XIRP2: variants seen among roughly 807,000 people sequenced by gnomAD.
The protein encoded by XIRP2 is xin actin-binding repeat-containing protein 2.
XIRP2 carries 236 observed loss-of-function variants against 277.0 expected under a neutral mutation model. That is an observed-to-expected ratio of 0.85 (90% CI 0.77 to 0.95). The LOEUF (loss-of-function observed/expected upper bound fraction) is 0.95, where lower values mean the gene tolerates loss of function less well. XIRP2 is among the 40% of genes least tolerant of loss of function. The pLI, the probability that XIRP2 is intolerant of heterozygous loss-of-function variation, is 0.00. For synonymous variants in XIRP2, 1,490 were observed against 1,416.5 expected, an observed-to-expected ratio of 1.05 and a Z score of -1.17; for missense variants, 4,640 against 4,157.5, an observed-to-expected ratio of 1.12 and a Z score of -3.19.
At chr2:167,074,717 G>A (rs1188347198) in intron 2 of XIRP2, among the ~76,000 whole-genome samples, 2 of 151,864 alleles carry the variant, frequency 1.3e-5, no homozygotes, top group African/African-American at 4.8e-5. Flanking sequence ...CCGGCTCACT[G>A]CAACTTCCAC....
chr2:166,954,469 G>T (rs1186949483), intron 2 of XIRP2, among the ~76,000 whole-genome samples: 1 of 151,858 alleles, frequency 6.6e-6, no homozygotes, highest in African/African-American at 2.4e-5. Context: ...CACTGTTGGT[G>T]GGAATGTAAA....
At chr2:167,031,562 T>C (rs1688349865) in intron 2 of XIRP2, among the ~76,000 whole-genome samples, 1 of 152,080 alleles carries the variant, frequency 6.6e-6, no homozygotes, top group Non-Finnish European at 1.5e-5. Context: ...AACCCCATGG[T>C]CCCAGCACAA....
At chr2:167,120,090 C>T (rs1274077580) in intron 2 of XIRP2, among the ~76,000 whole-genome samples, 1 of 152,134 alleles carries the variant, frequency 6.6e-6, no homozygotes, top group Admixed American at 6.6e-5. Flanking sequence ...ACCTCCGTCA[C>T]GGTGGGGCTG....
At chr2:167,148,415 G>C (rs1001665342) in intron 3 of XIRP2, among the ~76,000 whole-genome samples, 1 of 139,858 alleles carries the variant, frequency 7.2e-6, no homozygotes, top group Non-Finnish European at 1.5e-5. Context: ...AAGAAAGAAA[G>C]AGAGAAAGAA....
At chr2:166,979,371 T>TTTC (rs1167036321) in intron 2 of XIRP2, among the ~76,000 whole-genome samples, 525 of 48,546 alleles carry the variant, frequency 0.011, 1 homozygote, top group African/African-American at 0.08. Flanking sequence ...TTTCTTTTCT[T>TTTC]TTTTTTTTTT....
intron 2 of XIRP2, among the ~76,000 whole-genome samples, chr2:166,966,824 G>T (rs1308869972): frequency 6.6e-6 from 1 of 152,002 alleles, no homozygotes; most frequent in African/African-American, 2.4e-5. Context: ...TCAAACTACA[G>T]CTTGCATAGA....
At chr2:167,029,947 G>A (rs931315555) in intron 2 of XIRP2, among the ~76,000 whole-genome samples, 1 of 152,062 alleles carries the variant, frequency 6.6e-6, no homozygotes, top group Non-Finnish European at 1.5e-5. Context: ...TTGGGAGTGT[G>A]TATGTGTCCA....
In XIRP2 at chr2:167,254,357, AAT is replaced by A. The variant is rs554919701; in HGVS notation, c.*39+193_*39+194del. Reference sequence around the variant, plus strand: ...TTTCCTTTAGGAATTTTACTTTTCTAATCAAATCCAAAAGCATCCCTTTTGTC... The same window carrying A: ...TTTCCTTTAGGAATTTTACTTTTCTACAAATCCAAAAGCATCCCTTTTGTC... On this transcript the variant is annotated intron_variant, in intron 10 of 10. Transcript: ENST00000409195. Among the ~76,000 whole-genome samples, 10 of 152,036 alleles carry A rather than the reference AAT, an allele frequency of 6.6e-5. 1 individual carries two copies. The South Asian group carries it at 1.9e-3, about 28-fold the overall frequency.
intron 5 of XIRP2, among the ~76,000 whole-genome samples, chr2:167,224,481 A>G (rs1195496941): frequency 1.3e-5 from 2 of 151,980 alleles, no homozygotes. Context: ...TCCTGAGCTC[A>G]AGTGATCTAC....
intron 5 of XIRP2, among the ~76,000 whole-genome samples, chr2:167,234,703 G>A (rs982242818): frequency 2.6e-5 from 4 of 151,702 alleles, no homozygotes; most frequent in African/African-American, 7.2e-5. Flanking sequence ...AGTAAAACTG[G>A]AGCCTTTACT....
At position 167,258,034 on chromosome 2, in the gene XIRP2, G is replaced by C. The variant is rs763964873; in HGVS notation, c.*217G>C. On this transcript the variant is annotated 3_prime_UTR_variant, in exon 11 of 11. Coordinates refer to ENST00000409195, the MANE Select transcript of XIRP2 (RefSeq NM_152381.6). ...TTATTCCTAATGAAGAACCAAATAT[G>C]TGTAAAAATATTGCAGAAAACACCC... 1 of 1,613,086 alleles carries C rather than the reference G, an allele frequency of 6.2e-7. No individual in the cohort carries two copies. Among genetic ancestry groups the C allele is most frequent in the Non-Finnish European group, 8.5e-7 (1 of 1,179,494 alleles).
intron 2 of XIRP2, among the ~76,000 whole-genome samples, chr2:166,968,168 G>A (rs1445950517): frequency 6.6e-6 from 1 of 151,906 alleles, no homozygotes; most frequent in Admixed American, 6.6e-5. Flanking sequence ...AGAAGCTAAT[G>A]AGTTCTTCAA....
rs1429858015 is a variant in XIRP2, at chr2:167,074,223, A to C, written c.409-61686A>C. On this transcript the variant is annotated intron_variant, in intron 2 of 10. Transcript: ENST00000409195. ...GACTTAGCAATACTTACAATGTTTCAAGGTTTAAGGATAAATATGTACAGT... is the reference window on the plus strand; with the variant it reads ...GACTTAGCAATACTTACAATGTTTCCAGGTTTAAGGATAAATATGTACAGT... 2.0e-5 allele frequency among the ~76,000 whole-genome samples: 3 copies of C among 152,248 alleles called. No individual in the cohort carries two copies. The East Asian group carries it at 5.8e-4, about 29-fold the overall frequency.
Position 167,210,111 on chromosome 2 carries a change from T to C in XIRP2, c.563-624T>C, listed in dbSNP as rs551567165. Among the ~76,000 whole-genome samples, 12 of 152,208 alleles carry C rather than the reference T, an allele frequency of 7.9e-5. 1 individual carries two copies. The highest frequency in any genetic ancestry group is 2.4e-4 in the African/African-American group (10 of 41,524). On this transcript the variant is annotated intron_variant, in intron 3 of 10. Coordinates refer to ENST00000409195, the MANE Select transcript of XIRP2 (RefSeq NM_152381.6). ...ATGATACTATTACTTCTTTCTTATG[T>C]AATACATGCCCCTAAGAAGAAAAGA...
At chr2:167,212,905 A>T (rs866425437) in intron 4 of XIRP2, among the ~76,000 whole-genome samples, 1 of 15,402 alleles carries the variant, frequency 6.5e-5, no homozygotes, top group African/African-American at 3.1e-4. Context: ...CCACCCCCCC[A>T]CCCCTCTGCA....
At chr2:167,187,442 A>C (rs1202215187) in intron 3 of XIRP2, 3 of 985,256 alleles carry the variant, frequency 3.0e-6, no homozygotes, top group African/African-American at 3.5e-5. Flanking sequence ...TTGGCTGTAC[A>C]TGAAACAAGG....
intron 2 of XIRP2, among the ~76,000 whole-genome samples, chr2:166,980,566 G>A (rs961254075): frequency 1.2e-4 from 18 of 151,938 alleles, no homozygotes; most frequent in South Asian, 4.1e-4. Flanking sequence ...ACAGGCACCC[G>A]CCACCACGTC....
intron 2 of XIRP2, among the ~76,000 whole-genome samples, chr2:167,102,793 C>T (rs1398917385): frequency 6.6e-6 from 1 of 152,174 alleles, no homozygotes; most frequent in Non-Finnish European, 1.5e-5. Context: ...CCCTAACTTC[C>T]TGTCTCCCTA....
In XIRP2 at chr2:167,144,036, A is replaced by G. The variant is rs146137856; in HGVS notation, c.562+7974A>G. On this transcript the variant is annotated intron_variant, in intron 3 of 10. Coordinates refer to ENST00000409195, the MANE Select transcript of XIRP2 (RefSeq NM_152381.6). The stretch of plus-strand genomic sequence containing the variant: ...TTTAATATTAGAAATACTTCACTAT[A>G]TGAAATAAAATTTAATTATAAATTT... 6.7e-3 allele frequency among the ~76,000 whole-genome samples: 1,021 copies of G among 152,200 alleles called. 15 individuals are homozygous for G. Among genetic ancestry groups the G allele is most frequent in the African/African-American group, 0.023 (963 of 41,568 alleles).
Sources: gnomAD v4.1 joint callset for allele counts (sites outside exome capture counted in the v4.1 genomes callset) on GRCh38, gnomAD v4.1.1 for gene constraint, MANE v1.5 for transcripts, NCBI Gene and HGNC (gene_info 2026-07-23, HGNC 2026-07-21) for gene names.